The following SYK variants were observed in gnomAD, a reference collection of about 807,000 sequenced individuals.
SYK encodes the protein spleen associated tyrosine kinase, also known as tyrosine-protein kinase SYK.
Under a neutral mutation model 77.8 loss-of-function variants are expected in SYK, and 16 were observed. The ratio of observed to expected loss-of-function variants is 0.21; its 90% CI spans 0.14 to 0.31. SYK has a LOEUF of 0.31. SYK is among the 10% of genes least tolerant of loss of function. SYK has a pLI of 1.00. For synonymous variants in SYK, 312 were observed against 308.7 expected, an observed-to-expected ratio of 1.01 and a Z score of -0.11; for missense variants, 529 against 814.4, an observed-to-expected ratio of 0.65 and a Z score of 4.26.
intron 1 of SYK, among the ~76,000 whole-genome samples, chr9:90,828,890 G>A (rs781422277): frequency 9.9e-5 from 15 of 152,076 alleles, no homozygotes; most frequent in Admixed American, 2.6e-4. Context: ...ACTTGCTTTC[G>A]CTCACACTGA....
intron 1 of SYK, among the ~76,000 whole-genome samples, chr9:90,841,232 T>C (rs1826308690): frequency 6.6e-6 from 1 of 151,846 alleles, no homozygotes; most frequent in Non-Finnish European, 1.5e-5. Context: ...GTCGTGTGTA[T>C]GTAGTTTGTG....
Position 90,894,915 on chromosome 9 carries a change from A to G in SYK, c.1836-613A>G, listed in dbSNP as rs376357887. Among the ~76,000 whole-genome samples the G allele has an allele frequency of 1.3e-4, 20 of 152,312 alleles. No homozygotes were observed. The East Asian group carries it at 3.7e-3, about 28-fold the overall frequency. ...CCAGCAGTGGCAGTAAGGACTGGCT[A>G]TATTAAGGTGGATCATAGACAAGCC... On this transcript the variant is annotated intron_variant, in intron 13 of 13. Transcript: ENST00000375754.
At chr9:90,881,907 G>GCCTGACGAGGGGGCGGGGAT in intron 11 of SYK, among the ~76,000 whole-genome samples, 1 of 152,276 alleles carries the variant, frequency 6.6e-6, no homozygotes, top group South Asian at 2.1e-4. Flanking sequence ...TCTGGAAACT[G>GCCTGACGAGGGGGCGGGGAT]CCTGACGACT....
chr9:90,887,923 G>T (rs769572759), intron 12 of SYK, 34 bp downstream of exon 12: 1 of 1,550,282 alleles, frequency 6.5e-7, no homozygotes, highest in Non-Finnish European at 8.7e-7. Context: ...CTCACTGTGG[G>T]GCCATTAGAA....
At chr9:90,817,882 T>TGTGTGTGTGA (rs1302553724) in intron 1 of SYK, among the ~76,000 whole-genome samples, 79 of 66,900 alleles carry the variant, frequency 1.2e-3, no homozygotes, top group East Asian at 4.6e-3. Flanking sequence ...TGTGTGTGTG[T>TGTGTGTGTGA]GAGAGAGAGA....
intron 11 of SYK, among the ~76,000 whole-genome samples, chr9:90,881,697 A>G (rs1325763347): frequency 6.7e-6 from 1 of 149,940 alleles, no homozygotes; most frequent in East Asian, 2.0e-4. Context: ...AAAAGGAATA[A>G]AAAGTGAAAC....
chr9:90,884,362 C>T lies in SYK; in HGVS notation c.1582-3387C>T, dbSNP rs867927519. 7.3e-4 allele frequency among the ~76,000 whole-genome samples: 68 copies of T among 92,894 alleles called. 1 individual carries two copies. Among genetic ancestry groups the T allele is most frequent in the Admixed American group, 1.1e-3 (8 of 7,028 alleles). 60.9% of individuals were successfully genotyped at this position (92,894 alleles called of 152,430 possible). A position where few individuals can be genotyped will look rare whatever the true frequency, so the allele number is the denominator to read the frequency against. ...ATACACACATACACATACGTGTATACATACATACACACATACGTGTATATA... is the reference window on the plus strand; with the variant it reads ...ATACACACATACACATACGTGTATATATACATACACACATACGTGTATATA... On this transcript the variant is annotated intron_variant, in intron 11 of 13. Coordinates refer to ENST00000375754, the MANE Select transcript of SYK (RefSeq NM_003177.7).
At chr9:90,851,766 C>G (rs932055616) in intron 3 of SYK, among the ~76,000 whole-genome samples, 1 of 152,150 alleles carries the variant, frequency 6.6e-6, no homozygotes, top group Non-Finnish European at 1.5e-5. Context: ...GAAAAGGAAA[C>G]AAAGCTTACT....
At chr9:90,839,872 C>T (rs1283974138) in intron 1 of SYK, among the ~76,000 whole-genome samples, 3 of 152,140 alleles carry the variant, frequency 2.0e-5, no homozygotes, top group East Asian at 1.9e-4. Context: ...AGAAAGCACA[C>T]GTGGTGAGAA....
chr9:90,807,591 G>A (rs1235128097), intron 1 of SYK, among the ~76,000 whole-genome samples: 1 of 152,200 alleles, frequency 6.6e-6, no homozygotes, highest in African/African-American at 2.4e-5. Flanking sequence ...GGCTGACTCT[G>A]GGAATCTGCC....
intron 1 of SYK, among the ~76,000 whole-genome samples, chr9:90,807,368 C>T (rs1259687998): frequency 6.6e-6 from 1 of 152,188 alleles, no homozygotes; most frequent in Non-Finnish European, 1.5e-5. Context: ...CTCAAAGTGA[C>T]ATTTATCGAA....
chr9:90,895,575 A>G lies in SYK; in HGVS notation c.1883A>G (p.Asn628Ser), dbSNP rs150998279. 19 of 1,614,158 alleles carry G rather than the reference A, an allele frequency of 1.2e-5. No homozygotes were observed. Among genetic ancestry groups the G allele is most frequent in the African/African-American group, 1.1e-4 (8 of 75,066 alleles). The change falls in exon 14 of 14, where the codon AAT (asparagine) becomes AGT (serine). Residue 628 changes from asparagine (N) to serine (S), a missense_variant. Around this residue, in one of 2 missense-constraint regions of SYK, gnomAD observed 208 missense variants for 381.3 expected, o/e 0.55. Transcript: ENST00000375754. This position sits in a 1 kb window ranked among gnomAD's most constrained non-coding sequence, Gnocchi z 4.4. Reference protein sequence around the residue: ...GFAAVELRLRNYYYDVVN With the variant: ...GFAAVELRLRSYYYDVVN ...GCAGCAGTGGAACTGCGGCTGCGCA[A>G]TTACTACTATGACGTGGTGAACTAA...
chr9:90,865,135 T>C, intron 6 of SYK, 38 bp downstream of exon 6: 1 of 1,594,252 alleles, frequency 6.3e-7, no homozygotes, highest in South Asian at 1.1e-5. Flanking sequence ...TGAGAAGCTG[T>C]TGCATATTTC....
chr9:90,884,682 CAT>C lies in SYK; in HGVS notation c.1582-3063_1582-3062del, dbSNP rs373643394. ...ATATGTGTACATGTACATATATACA[CAT>C]ATACACATATGTGTACATGTACATA... is the stretch of plus-strand genomic sequence containing the variant. On this transcript the variant is annotated intron_variant, in intron 11 of 13. Coordinates refer to ENST00000375754, the MANE Select transcript of SYK (RefSeq NM_003177.7). 2.2e-4 allele frequency among the ~76,000 whole-genome samples: 10 copies of C among 45,562 alleles called. 3 individuals are homozygous for C. The East Asian group carries it at 6.7e-3, about 31-fold the overall frequency. The allele number at this position is 45,562 out of a possible 152,430, so 29.9% of individuals were successfully genotyped here. A position where few individuals can be genotyped will look rare whatever the true frequency, so the allele number is the denominator to read the frequency against.
chr9:90,872,835 C>G (rs547069825), intron 7 of SYK, among the ~76,000 whole-genome samples: 1 of 152,330 alleles, frequency 6.6e-6, no homozygotes, highest in South Asian at 2.1e-4. Flanking sequence ...TGGCACAGTT[C>G]CGAGTGCAGT....
At chr9:90,865,311 CT>C (rs372346771) in intron 6 of SYK, among the ~76,000 whole-genome samples, 103 of 144,850 alleles carry the variant, frequency 7.1e-4, no homozygotes, top group Middle Eastern at 3.6e-3. Context: ...TTTTCTTTTG[CT>C]TTTTTTTTTT....
At chr9:90,815,498 G>C (rs1825256091) in intron 1 of SYK, among the ~76,000 whole-genome samples, 1 of 152,208 alleles carries the variant, frequency 6.6e-6, no homozygotes. Flanking sequence ...CGTTTTGAAG[G>C]GTTTGTGAAT....
chr9:90,865,327 A>G (rs1325715337), intron 6 of SYK, among the ~76,000 whole-genome samples: 1 of 148,744 alleles, frequency 6.7e-6, no homozygotes, highest in Non-Finnish European at 1.5e-5. Flanking sequence ...TTTTTTGGAG[A>G]TGGAGTGTCT....
At chr9:90,891,531 C>G (rs1012587458) in intron 13 of SYK, among the ~76,000 whole-genome samples, 2 of 152,080 alleles carry the variant, frequency 1.3e-5, no homozygotes, top group Non-Finnish European at 2.9e-5. Flanking sequence ...CCTATGTGAG[C>G]TTTTAGCTTG....
Sources: gnomAD v4.1 joint callset for allele counts (sites outside exome capture counted in the v4.1 genomes callset) on GRCh38, gnomAD v4.1.1 for gene constraint, gnomAD v4.1.1 regional missense constraint, Gnocchi (gnomAD v3.1) non-coding constraint, MANE v1.5 for transcripts, NCBI Gene and HGNC (gene_info 2026-07-23, HGNC 2026-07-21) for gene names.